The following ARHGEF6 variants were observed in gnomAD, a reference collection of about 807,000 sequenced individuals.
ARHGEF6 encodes rho guanine nucleotide exchange factor 6.
In ARHGEF6, 9 loss-of-function variants were observed where a neutral mutation model predicts 70.3. The ratio of observed to expected loss-of-function variants is 0.13; its 90% confidence interval spans 0.08 to 0.22. The LOEUF is 0.22. ARHGEF6 is among the 10% of genes least tolerant of loss of function. The pLI, the probability that ARHGEF6 is intolerant of heterozygous loss-of-function variation, is 1.00. For missense variants in ARHGEF6, 470 were observed against 563.0 expected (o/e 0.83, Z 1.67); for synonymous variants, 201 against 207.8 (o/e 0.97, Z 0.28).
chrX:136,751,746 C>G (rs1220804382), intron 2 of ARHGEF6, among the ~76,000 whole-genome samples: 3 of 111,508 alleles, frequency 2.7e-5, no homozygotes, highest in African/African-American at 9.8e-5. Context: ...CACCAGGATA[C>G]TAAATATGTC....
At chrX:136,687,538 GA>G (rs914696318) in intron 11 of ARHGEF6, among the ~76,000 whole-genome samples, 5 of 111,956 alleles carry the variant, frequency 4.5e-5, no homozygotes, top group Middle Eastern at 4.2e-3. Flanking sequence ...CATATGCAAA[GA>G]AAAAACTCAT....
intron 5 of ARHGEF6, among the ~76,000 whole-genome samples, chrX:136,739,897 G>A (rs2077025273): frequency 8.9e-6 from 1 of 111,967 alleles, no homozygotes; most frequent in African/African-American, 3.3e-5. Flanking sequence ...AGATCAGAGA[G>A]GAAGCCAAAA....
rs1297706249 is a variant in ARHGEF6, at chrX:136,743,569, TA to T, written c.661+15del. The T allele has an allele frequency of 8.3e-7, 1 of 1,205,347 alleles. No homozygotes were observed. Among genetic ancestry groups the T allele is most frequent in the Admixed American group, 2.2e-5 (1 of 46,027 alleles). ...CAAGAGTCACAATCAAAAAGCCTTT[TA>T]AAAACTTCACTTACCACTGGATTTA... On this transcript the variant is annotated intron_variant, in intron 5 of 21. Coordinates refer to ENST00000250617, the MANE Select transcript of ARHGEF6 (RefSeq NM_004840.3).
intron 9 of ARHGEF6, among the ~76,000 whole-genome samples, chrX:136,696,435 T>C (rs1023455120): frequency 9.1e-6 from 1 of 110,360 alleles, no homozygotes; most frequent in Admixed American, 9.6e-5. Flanking sequence ...CTGGTCAACA[T>C]AGTGAAAGCC....
chrX:136,726,528 G>C (rs1287447645), intron 6 of ARHGEF6, among the ~76,000 whole-genome samples: 1 of 112,121 alleles, frequency 8.9e-6, no homozygotes, highest in African/African-American at 3.2e-5. Flanking sequence ...GGGTGGCAGA[G>C]AGAGGTAGAT....
At chrX:136,742,130 C>A (rs2077048900) in intron 5 of ARHGEF6, among the ~76,000 whole-genome samples, 1 of 111,123 alleles carries the variant, frequency 9.0e-6, no homozygotes, top group Non-Finnish European at 1.9e-5. Flanking sequence ...ACCATCCTGG[C>A]TAACACGGTG....
intron 21 of ARHGEF6, among the ~76,000 whole-genome samples, chrX:136,668,468 G>A (rs1205334086): frequency 9.1e-6 from 1 of 110,182 alleles, no homozygotes; most frequent in Non-Finnish European, 1.9e-5. Context: ...TACTGACCTT[G>A]TCTCCTGAGA....
At position 136,736,373 on chromosome X, in the gene ARHGEF6, T is replaced by A. The variant is rs181376900; in HGVS notation, c.662-4201A>T. ...AGTCCCTTAATATATGTTATGTAAC[T>A]TATATAATGACTAAGTTATTAATAC... On this transcript the variant is annotated intron_variant, in intron 5 of 21. Transcript: ENST00000250617. Among the ~76,000 whole-genome samples, 16 of 111,965 alleles carry A rather than the reference T, an allele frequency of 1.4e-4. No individual in the cohort carries two copies. In the East Asian group the frequency reaches 4.2e-3, roughly 29 times the overall value.
chrX:136,690,542 T>C, intron 10 of ARHGEF6, 68 bp downstream of exon 10: 1 of 1,178,708 alleles, frequency 8.5e-7, no homozygotes, highest in Non-Finnish European at 1.2e-6. Flanking sequence ...GGAGGCAAAT[T>C]GGCTGCGTCC....
At chrX:136,758,977 T>G (rs2077238931) in intron 2 of ARHGEF6, among the ~76,000 whole-genome samples, 1 of 111,800 alleles carries the variant, frequency 8.9e-6, no homozygotes, top group South Asian at 3.7e-4. Flanking sequence ...ACAGGTACAT[T>G]AGCCCTAAAA....
At chrX:136,701,354 C>T (rs2076568731) in intron 9 of ARHGEF6, among the ~76,000 whole-genome samples, 1 of 111,224 alleles carries the variant, frequency 9.0e-6, no homozygotes, top group Non-Finnish European at 1.9e-5. Context: ...GCAAAAGCAA[C>T]GAGAAAATCT....
chrX:136,670,629 G>A (rs770767134), intron 20 of ARHGEF6, among the ~76,000 whole-genome samples: 57 of 110,971 alleles, frequency 5.1e-4, no homozygotes, highest in South Asian at 3.8e-4. Context: ...GGAGTTCGAC[G>A]TTTTCAATTC....
rs745840487 is a variant in ARHGEF6, at chrX:136,727,325, TTTTCTTTCTTTCTTTC to T, written c.732+4761_732+4776del. On this transcript the variant is annotated intron_variant, in intron 6 of 21. Transcript: ENST00000250617. ...CTGTAGTCTTTCTTTCTTTCTTTCT[TTTTCTTTCTTTCTTTC>T]TTTCTTTCTTTCTTTCTTTCTTTCT... 7.9e-3 allele frequency among the ~76,000 whole-genome samples: 482 copies of T among 60,998 alleles called. 6 individuals are homozygous for T. Among genetic ancestry groups the T allele is most frequent in the Non-Finnish European group, 0.012 (371 of 31,295 alleles). 53.0% of individuals were successfully genotyped at this position (60,998 alleles called of 115,157 possible).
rs890706174 is a variant in ARHGEF6, at chrX:136,665,851, G to A, written c.*2178C>T. Reference sequence around the variant, plus strand: ...CACAAGCTTCGTTATCCAGAGTACCGAGGGCCCCTCATCAGAAGGGCCAAG... The same window carrying A: ...CACAAGCTTCGTTATCCAGAGTACCAAGGGCCCCTCATCAGAAGGGCCAAG... On this transcript the variant is annotated 3_prime_UTR_variant, in exon 22 of 22. Coordinates refer to ENST00000250617, the MANE Select transcript of ARHGEF6 (RefSeq NM_004840.3). 5 of 112,214 alleles carry A rather than the reference G, an allele frequency of 4.5e-5. No homozygotes were observed. The highest frequency in any genetic ancestry group is 6.5e-5 in the African/African-American group (2 of 30,738). The allele number at this position is 112,214 out of a possible 1,213,427, so 9.2% of individuals were successfully genotyped here.
At chrX:136,680,627 G>A in intron 15 of ARHGEF6, 104 bp downstream of exon 15, 1 of 944,435 alleles carries the variant, frequency 1.1e-6, no homozygotes, top group South Asian at 2.0e-5. Flanking sequence ...AATATAGGCT[G>A]CCCAAAAGAC....
At chrX:136,744,438 T>C (rs1172308529) in intron 4 of ARHGEF6, among the ~76,000 whole-genome samples, 1 of 111,923 alleles carries the variant, frequency 8.9e-6, no homozygotes, top group Non-Finnish European at 1.9e-5. Flanking sequence ...ACAGACCCTT[T>C]AGAGAATCTG....
chrX:136,714,636 A>G (rs761701761), intron 6 of ARHGEF6, among the ~76,000 whole-genome samples: 2 of 111,647 alleles, frequency 1.8e-5, no homozygotes, highest in Non-Finnish European at 3.8e-5. Flanking sequence ...TATGCCAGCC[A>G]TATACTCACA....
At chrX:136,685,633 T>C in intron 12 of ARHGEF6, 44 bp downstream of exon 12, 1 of 1,048,373 alleles carries the variant, frequency 9.5e-7, no homozygotes. Context: ...GGAAGAAAAA[T>C]ACGAAAGATG....
At chrX:136,670,379 T>C (rs1477227707) in intron 20 of ARHGEF6, among the ~76,000 whole-genome samples, 4 of 112,072 alleles carry the variant, frequency 3.6e-5, no homozygotes, top group Non-Finnish European at 7.5e-5. Flanking sequence ...AATCTGTACA[T>C]GTTCAATACA....
Sources: allele counts gnomAD v4.1 joint callset (sites outside exome capture counted in the v4.1 genomes callset), GRCh38; gene constraint gnomAD v4.1.1; transcripts MANE v1.5; gene names NCBI Gene and HGNC (gene_info 2026-07-23, HGNC 2026-07-21).